The following SLC39A10 variants were observed in gnomAD, a reference collection of about 807,000 sequenced individuals.
The protein encoded by SLC39A10 is solute carrier family 39 member 10, also known as zinc transporter ZIP10.
A neutral mutation model predicts 65.1 loss-of-function variants in SLC39A10; 13 were observed. That is an observed-to-expected ratio of 0.20 (90% confidence interval 0.13 to 0.32). The LOEUF (loss-of-function observed/expected upper bound fraction) is 0.32. Ranked by LOEUF, SLC39A10 falls within the 10% of genes least tolerant of loss-of-function variation. The pLI is 1.00. For synonymous variants in SLC39A10, 321 were observed against 342.2 expected (o/e 0.94, Z 0.68); for missense variants, 831 against 1,018.4 (o/e 0.82, Z 2.50).
At chr2:195,729,039 T>C (rs1309550779) in intron 9 of SLC39A10, among the ~76,000 whole-genome samples, 2 of 151,572 alleles carry the variant, frequency 1.3e-5, no homozygotes, top group Non-Finnish European at 2.9e-5. Flanking sequence ...GTGGCATGAA[T>C]ATGGCTCACT....
chr2:195,649,989 A>G (rs979536584), intron 2 of SLC39A10, among the ~76,000 whole-genome samples: 11 of 152,224 alleles, frequency 7.2e-5, no homozygotes, highest in Admixed American at 6.5e-4. Context: ...GAAAAAACCT[A>G]AGGAAAATAT....
In SLC39A10 at chr2:195,736,472, A is replaced by AATCT. The variant is rs993971727; in HGVS notation, c.*1436_*1439dup. ...TGGCAACCAGTGTAGCTGCTGTAAC[A>AATCT]ATCTATCTTATTGTTCAAATATATA... On this transcript the variant is annotated 3_prime_UTR_variant, in exon 10 of 10. Transcript: ENST00000359634. The AATCT allele has an allele frequency of 3.1e-5, 5 of 163,776 alleles. No individual in the cohort carries two copies. The highest frequency in any genetic ancestry group is 1.2e-4 in the African/African-American group (5 of 41,440). The allele number at this position is 163,776 out of a possible 1,614,324, so 10.1% of individuals were successfully genotyped here.
rs373638099 is a variant in SLC39A10 at position 195,616,146 on chromosome 2, G to A, written c.-12+9913G>A. On this transcript the variant is annotated intron_variant, in intron 2 of 2. Coordinates refer to the SLC39A10 transcript ENST00000458054. ...ATTTTTGTATTTTCAGTAGAGACGGGTTTTCACCATGTTGGCCAGGTTGGC... is the reference window on the plus strand; with the variant it reads ...ATTTTTGTATTTTCAGTAGAGACGGATTTTCACCATGTTGGCCAGGTTGGC... 4.6e-5 allele frequency among the ~76,000 whole-genome samples: 7 copies of A among 152,094 alleles called. No individual in the cohort carries two copies. In the East Asian group the frequency reaches 7.7e-4, roughly 17 times the overall value.
At chr2:195,619,914 CTATT>C (rs555056581) in intron 2 of SLC39A10, among the ~76,000 whole-genome samples, 208 of 151,618 alleles carry the variant, frequency 1.4e-3, no homozygotes, top group African/African-American at 4.5e-3. Flanking sequence ...CAGGACTTTA[CTATT>C]TATTTATTTA....
intron 2 of SLC39A10, among the ~76,000 whole-genome samples, chr2:195,617,639 G>A (rs1688245652): frequency 6.6e-6 from 1 of 152,150 alleles, no homozygotes; most frequent in Non-Finnish European, 1.5e-5. Context: ...GGGAGGCTGA[G>A]CTGGGAAAAT....
At chr2:195,706,818 A>T (rs1483369152) in intron 4 of SLC39A10, 33 bp downstream of exon 4, 35 of 1,402,718 alleles carry the variant, frequency 2.5e-5, no homozygotes, top group Non-Finnish European at 3.2e-5. Context: ...TTAAAAATTT[A>T]AAATAAAAAT....
chr2:195,621,723 A>G (rs1688352052), intron 2 of SLC39A10, among the ~76,000 whole-genome samples: 1 of 152,222 alleles, frequency 6.6e-6, no homozygotes, highest in Non-Finnish European at 1.5e-5. Flanking sequence ...TTGCAAACTA[A>G]CCTGAATAAA....
At chr2:195,641,840 C>T (rs906545924) in intron 2 of SLC39A10, among the ~76,000 whole-genome samples, 2 of 152,018 alleles carry the variant, frequency 1.3e-5, no homozygotes, top group African/African-American at 2.4e-5. Flanking sequence ...TACAGACGTG[C>T]ACCACCACAC....
intron 2 of SLC39A10, among the ~76,000 whole-genome samples, chr2:195,650,770 A>G (rs1689014466): frequency 1.3e-5 from 2 of 152,094 alleles, no homozygotes; most frequent in Non-Finnish European, 2.9e-5. Context: ...ATTCAGAATG[A>G]TCTCAGGCGC....
intron 1 of SLC39A10, among the ~76,000 whole-genome samples, chr2:195,662,220 G>A (rs1039032534): frequency 1.3e-5 from 2 of 151,140 alleles, no homozygotes; most frequent in Non-Finnish European, 1.5e-5. Context: ...AAAAACCTCA[G>A]TCACTTTTAG....
At chr2:195,641,713 T>G (rs1688814748) in intron 2 of SLC39A10, among the ~76,000 whole-genome samples, 2 of 138,868 alleles carry the variant, frequency 1.4e-5, no homozygotes, top group Admixed American at 8.3e-5. Flanking sequence ...TGAGTTGGAG[T>G]CTCGCTCTGG....
At chr2:195,631,834 T>C (rs550675691) in intron 2 of SLC39A10, among the ~76,000 whole-genome samples, 3 of 152,354 alleles carry the variant, frequency 2.0e-5, no homozygotes, top group Non-Finnish European at 4.4e-5. Flanking sequence ...TGTAACTCTT[T>C]GTGTAACATA....
chr2:195,725,001 C>T (rs546482544), intron 8 of SLC39A10, among the ~76,000 whole-genome samples: 1 of 151,598 alleles, frequency 6.6e-6, no homozygotes, highest in East Asian at 1.9e-4. Flanking sequence ...AACAAAAGTA[C>T]AAAGAAAATT....
chr2:195,679,021 C>T lies in SLC39A10; in HGVS notation c.-11-1011C>T, dbSNP rs558421679. Among the ~76,000 whole-genome samples the T allele has an allele frequency of 3.9e-5, 6 of 152,254 alleles. No individual in the cohort carries two copies. The East Asian group carries it at 5.8e-4, about 15-fold the overall frequency. On this transcript the variant is annotated intron_variant, in intron 1 of 9. Transcript: ENST00000359634. ...TAATGATGGACATGTTCTGCGTCTA[C>T]GTTGTCCAACATACTAGCCATTTGC...
intron 1 of SLC39A10, among the ~76,000 whole-genome samples, chr2:195,667,210 T>TTTTA (rs1200745471): frequency 6.6e-6 from 1 of 152,104 alleles, no homozygotes; most frequent in African/African-American, 2.4e-5. Context: ...TGAACTGTGC[T>TTTTA]TTTATTTATT....
upstream of SLC39A10, among the ~76,000 whole-genome samples, chr2:195,654,491 C>T (rs542070931): frequency 2.2e-4 from 34 of 152,292 alleles, no homozygotes; most frequent in South Asian, 5.2e-3. Flanking sequence ...AGACTGGTCA[C>T]ATTTGAAATT....
intron 3 of SLC39A10, among the ~76,000 whole-genome samples, chr2:195,698,100 T>G (rs1205360233): frequency 6.6e-6 from 1 of 152,130 alleles, no homozygotes; most frequent in Non-Finnish European, 1.5e-5. Flanking sequence ...TAATACTTTT[T>G]TGTGTGAAAT....
At chr2:195,732,445 G>A (rs559727357) in intron 9 of SLC39A10, among the ~76,000 whole-genome samples, 5 of 152,250 alleles carry the variant, frequency 3.3e-5, no homozygotes, top group South Asian at 4.1e-4. Context: ...TGGCCATACC[G>A]GTAGGTGTTG....
At chr2:195,664,428 GCAGT>G (rs1689552902) in intron 1 of SLC39A10, among the ~76,000 whole-genome samples, 1 of 151,886 alleles carries the variant, frequency 6.6e-6, no homozygotes, top group Non-Finnish European at 1.5e-5. Context: ...AAATTTAGCA[GCAGT>G]CATAGAAGAA....
Sources: gnomAD v4.1 joint callset for allele counts (sites outside exome capture counted in the v4.1 genomes callset) on GRCh38, gnomAD v4.1.1 for gene constraint, MANE v1.5 for transcripts, NCBI Gene and HGNC (gene_info 2026-07-23, HGNC 2026-07-21) for gene names.